The following CADM2 variants were observed in gnomAD, a reference collection of about 807,000 sequenced individuals.
The protein encoded by CADM2 is cell adhesion molecule 2.
In CADM2, 12 loss-of-function variants were observed where a neutral mutation model predicts 49.8. The observed-to-expected ratio is 0.24, with a 90% CI of 0.15 to 0.39. CADM2 has a LOEUF of 0.39. CADM2 is among the 10% of genes least tolerant of loss of function. The probability of loss-of-function intolerance (pLI) is 1.00; values close to 1 mark genes in which losing one functional copy is unlikely to be tolerated. For synonymous variants in CADM2, 214 were observed against 175.4 expected, an observed-to-expected ratio of 1.22 and a Z score of -1.74; for missense variants, 378 against 492.3, an observed-to-expected ratio of 0.77 and a Z score of 2.20.
chr3:86,033,669 ATG>A (rs1371336622), intron 8 of CADM2, among the ~76,000 whole-genome samples: 1 of 124,990 alleles, frequency 8.0e-6, no homozygotes, highest in South Asian at 2.5e-4. Context: ...GTTTATATAT[ATG>A]TATATATATA....
At chr3:85,254,494 A>C (rs2042841078) in intron 1 of CADM2, among the ~76,000 whole-genome samples, 1 of 152,064 alleles carries the variant, frequency 6.6e-6, no homozygotes, top group Admixed American at 6.6e-5. Flanking sequence ...TGCCTTGGTC[A>C]TTCCCGTGAC....
At chr3:85,476,562 A>G (rs1455036913) in intron 1 of CADM2, among the ~76,000 whole-genome samples, 1 of 150,298 alleles carries the variant, frequency 6.7e-6, no homozygotes, top group Non-Finnish European at 1.5e-5. Context: ...TCTTGTGCAC[A>G]TTACCTATTG....
intron 1 of CADM2, among the ~76,000 whole-genome samples, chr3:85,008,695 G>A (rs992917420): frequency 6.6e-6 from 1 of 152,042 alleles, no homozygotes; most frequent in Non-Finnish European, 1.5e-5. Context: ...AAAGAAAATT[G>A]AGGGATCAGA....
intron 1 of CADM2, among the ~76,000 whole-genome samples, chr3:85,307,610 G>T (rs186627305): frequency 1.3e-5 from 2 of 151,630 alleles, no homozygotes; most frequent in Admixed American, 1.3e-4. Context: ...ATGCTTCTTT[G>T]TTCTTTGTTA....
intron 1 of CADM2, among the ~76,000 whole-genome samples, chr3:85,134,098 G>A (rs1234001653): frequency 1.3e-5 from 2 of 152,228 alleles, no homozygotes; most frequent in African/African-American, 4.8e-5. Context: ...GCAGCCGCTG[G>A]CCCAGGTGCT....
intron 1 of CADM2, among the ~76,000 whole-genome samples, chr3:85,022,140 A>G (rs534311772): frequency 5.9e-4 from 90 of 152,340 alleles, no homozygotes; most frequent in African/African-American, 2.1e-3. Flanking sequence ...ACAGGCTGAC[A>G]TGAGAGCATC....
chr3:85,538,387 C>G (rs62252513), intron 1 of CADM2, among the ~76,000 whole-genome samples: 1 of 151,936 alleles, frequency 6.6e-6, no homozygotes, highest in East Asian at 1.9e-4. Flanking sequence ...TACCAAGGCT[C>G]CTTGGAGAAG....
At chr3:85,774,612 GT>G (rs901843167) in intron 2 of CADM2, among the ~76,000 whole-genome samples, 19 of 147,022 alleles carry the variant, frequency 1.3e-4, no homozygotes, top group Middle Eastern at 3.5e-3. Context: ...ATCTTCCCTA[GT>G]TTTTTTTTTA....
chr3:85,901,202 G>A (rs1242420763), intron 5 of CADM2, among the ~76,000 whole-genome samples: 1 of 151,964 alleles, frequency 6.6e-6, no homozygotes, highest in African/African-American at 2.4e-5. Flanking sequence ...CTCAAAAAAA[G>A]AAAACAAAGC....
chr3:85,261,155 G>T (rs981194468), intron 1 of CADM2, among the ~76,000 whole-genome samples: 1 of 150,046 alleles, frequency 6.7e-6, no homozygotes, highest in East Asian at 2.0e-4. Context: ...TTTATTTTTT[G>T]AGAAAGAGTC....
intron 1 of CADM2, among the ~76,000 whole-genome samples, chr3:85,672,141 T>G (rs966490888): frequency 4.7e-5 from 7 of 150,226 alleles, no homozygotes; most frequent in Non-Finnish European, 1.0e-4. Flanking sequence ...AAGAAAGAAA[T>G]AAACAGACAA....
chr3:85,313,594 G>A lies in CADM2; in HGVS notation c.61+353926G>A, dbSNP rs1014963638. On this transcript the variant is annotated intron_variant, in intron 1 of 9. Coordinates refer to ENST00000383699, the MANE Select transcript of CADM2 (RefSeq NM_001167675.2). ...TCTTGAGTATGACAGATGGCATCTC[G>A]TCAAGGAATACAGTGGCAGTAGCCA... 6.7e-4 allele frequency among the ~76,000 whole-genome samples: 102 copies of A among 152,182 alleles called. 1 individual carries two copies. Among genetic ancestry groups the A allele is most frequent in the African/African-American group, 2.4e-3 (98 of 41,532 alleles).
At chr3:85,772,494 A>C (rs2070143731) in intron 2 of CADM2, among the ~76,000 whole-genome samples, 1 of 137,758 alleles carries the variant, frequency 7.3e-6, no homozygotes. Flanking sequence ...ACAAATTCTC[A>C]GAAACAAACA....
At chr3:85,960,855 G>A (rs1181025916) in intron 7 of CADM2, among the ~76,000 whole-genome samples, 1 of 151,384 alleles carries the variant, frequency 6.6e-6, no homozygotes, top group African/African-American at 2.4e-5. Flanking sequence ...AAGCAAAGCT[G>A]TGCCACAAGG....
intron 1 of CADM2, among the ~76,000 whole-genome samples, chr3:85,330,197 C>A (rs966426554): frequency 2.6e-5 from 4 of 152,108 alleles, no homozygotes; most frequent in African/African-American, 9.7e-5. Flanking sequence ...AATATTTGGG[C>A]CATTAACCAG....
chr3:85,405,122 A>G (rs892368093), intron 1 of CADM2, among the ~76,000 whole-genome samples: 1 of 152,158 alleles, frequency 6.6e-6, no homozygotes, highest in African/African-American at 2.4e-5. Flanking sequence ...AGAACTTGAG[A>G]AAAAGTTAGC....
At chr3:86,008,459 T>C (rs1017564107) in intron 8 of CADM2, among the ~76,000 whole-genome samples, 6 of 152,146 alleles carry the variant, frequency 3.9e-5, no homozygotes, top group African/African-American at 1.4e-4. Flanking sequence ...ATTTGAACTC[T>C]TATCAAAACA....
At chr3:85,892,938 T>C (rs1714666116) in intron 5 of CADM2, among the ~76,000 whole-genome samples, 1 of 152,104 alleles carries the variant, frequency 6.6e-6, no homozygotes, top group Non-Finnish European at 1.5e-5. Flanking sequence ...AGAGACTTCT[T>C]GAATGGCTTT....
At chr3:85,623,623 A>G (rs1383175422) in intron 1 of CADM2, among the ~76,000 whole-genome samples, 2 of 152,150 alleles carry the variant, frequency 1.3e-5, no homozygotes, top group East Asian at 3.9e-4. Flanking sequence ...GAGATACACC[A>G]CATTCCTCTT....
Sources: allele counts gnomAD v4.1 joint callset (sites outside exome capture counted in the v4.1 genomes callset), GRCh38; gene constraint gnomAD v4.1.1; transcripts MANE v1.5; gene names NCBI Gene and HGNC (gene_info 2026-07-23, HGNC 2026-07-21).